Variants in GTF2F2 observed in about 807,000 individuals in gnomAD.
GTF2F2 encodes the protein general transcription factor IIF subunit 2, also known as ATP-dependent helicase GTF2F2.
In GTF2F2, 23 loss-of-function variants were observed where a neutral mutation model predicts 42.2. The ratio of observed to expected loss-of-function variants is 0.55; its 90% confidence interval spans 0.39 to 0.77. GTF2F2 has a LOEUF of 0.77. Among genes scored for constraint, GTF2F2 ranks in the 30% least tolerant of loss-of-function variants. The probability of loss-of-function intolerance (pLI) is 0.00; values close to 1 mark genes in which losing one functional copy is unlikely to be tolerated. For missense variants in GTF2F2, 261 were observed against 287.2 expected, an observed-to-expected ratio of 0.91 and a Z score of 0.66; for synonymous variants, 105 against 100.8, an observed-to-expected ratio of 1.04 and a Z score of -0.25.
At chr13:45,236,188 C>T (rs930606207) in intron 5 of GTF2F2, among the ~76,000 whole-genome samples, 14 of 152,186 alleles carry the variant, frequency 9.2e-5, no homozygotes, top group African/African-American at 3.4e-4. Context: ...CTATGGCCTG[C>T]AGTTCCCCTA....
chr13:45,237,971 T>G (rs1217526956), intron 5 of GTF2F2, among the ~76,000 whole-genome samples: 1 of 152,188 alleles, frequency 6.6e-6, no homozygotes, highest in Non-Finnish European at 1.5e-5. Flanking sequence ...TGTTTGTTTT[T>G]GAGATGAAGT....
At chr13:45,259,944 C>T (rs935746677) in intron 6 of GTF2F2, among the ~76,000 whole-genome samples, 1 of 151,922 alleles carries the variant, frequency 6.6e-6, no homozygotes, top group African/African-American at 2.4e-5. Flanking sequence ...AGAATTTCTG[C>T]CCCACAGTTT....
intron 5 of GTF2F2, among the ~76,000 whole-genome samples, chr13:45,241,239 T>C (rs1255462202): frequency 1.3e-5 from 2 of 151,230 alleles, no homozygotes; most frequent in African/African-American, 4.9e-5. Context: ...GATCTGATAA[T>C]AAACACTGTG....
chr13:45,178,996 G>C (rs112826457), intron 4 of GTF2F2, among the ~76,000 whole-genome samples: 2 of 152,168 alleles, frequency 1.3e-5, no homozygotes, highest in Non-Finnish European at 2.9e-5. Context: ...TAGTGCTCTC[G>C]TCATTTAGTA....
chr13:45,149,666 T>C, intron 2 of GTF2F2, 104 bp from the exon 3 acceptor site: 1 of 1,141,038 alleles, frequency 8.8e-7, no homozygotes, highest in Non-Finnish European at 1.2e-6. Context: ...TCTGTAAATG[T>C]AATATTTTAT....
rs1877344738 is a variant in GTF2F2, at chr13:45,283,429, G to T, written c.631-13G>T. On this transcript the variant is annotated splice_polypyrimidine_tract_variant and intron_variant, in intron 7 of 7. Coordinates refer to ENST00000340473, the MANE Select transcript of GTF2F2 (RefSeq NM_004128.3). ...TATAATCTCATTTGTTAGGGGTTTTGTTTTTGTTTTAGGTGTACCTGAAGG... is the reference window on the plus strand; with the variant it reads ...TATAATCTCATTTGTTAGGGGTTTTTTTTTTGTTTTAGGTGTACCTGAAGG... The T allele has an allele frequency of 6.2e-7, 1 of 1,600,744 alleles. No individual in the cohort carries two copies. Among genetic ancestry groups the T allele is most frequent in the Non-Finnish European group, 8.5e-7 (1 of 1,174,266 alleles).
intron 2 of GTF2F2, among the ~76,000 whole-genome samples, chr13:45,146,297 A>G (rs75831059): frequency 0.029 from 4,350 of 152,106 alleles, 187 homozygotes; most frequent in African/African-American, 0.093. Context: ...GGAGTTCGAA[A>G]CCAGCTGGGG....
At chr13:45,179,042 T>G (rs1200880316) in intron 4 of GTF2F2, among the ~76,000 whole-genome samples, 1 of 152,212 alleles carries the variant, frequency 6.6e-6, no homozygotes, top group Non-Finnish European at 1.5e-5. Flanking sequence ...GTGGCTGTTT[T>G]CCAAGAAAGC....
At position 45,191,224 on chromosome 13, in the gene GTF2F2, A is replaced by AAATATAT; in HGVS notation, c.305-16199_305-16198insATATATA. 1.2e-4 allele frequency among the ~76,000 whole-genome samples: 9 copies of AAATATAT among 75,312 alleles called. 1 individual carries two copies. Among genetic ancestry groups the AAATATAT allele is most frequent in the African/African-American group, 4.0e-4 (4 of 10,002 alleles). 49.4% of individuals were successfully genotyped at this position (75,312 alleles called of 152,430 possible). ...GTCTCTACTAAAAATACAAAAAAAAAATATATATATATATATATATATATA... is the reference window on the plus strand; with the variant it reads ...GTCTCTACTAAAAATACAAAAAAAAAAATATATATATATATATATATATATATATATA... On this transcript the variant is annotated intron_variant, in intron 4 of 7. Coordinates refer to ENST00000340473, the MANE Select transcript of GTF2F2 (RefSeq NM_004128.3).
intron 6 of GTF2F2, among the ~76,000 whole-genome samples, chr13:45,265,952 G>A (rs747893258): frequency 6.6e-6 from 1 of 152,152 alleles, no homozygotes; most frequent in Non-Finnish European, 1.5e-5. Context: ...GTTTCTGATG[G>A]TTTATACAAG....
chr13:45,234,350 CATAAA>C (rs1162805390), intron 5 of GTF2F2, among the ~76,000 whole-genome samples: 1 of 151,916 alleles, frequency 6.6e-6, no homozygotes, highest in Non-Finnish European at 1.5e-5. Flanking sequence ...TAGCAGTGCA[CATAAA>C]ATAATATACA....
chr13:45,203,512 C>A (rs1370178622), intron 4 of GTF2F2, among the ~76,000 whole-genome samples: 1 of 152,148 alleles, frequency 6.6e-6, no homozygotes, highest in African/African-American at 2.4e-5. Flanking sequence ...CCAGTTGTCT[C>A]ACCTGTACCT....
At position 45,202,524 on chromosome 13, in the gene GTF2F2, T is replaced by C. The variant is rs538393353; in HGVS notation, c.305-4900T>C. Among the ~76,000 whole-genome samples the C allele has an allele frequency of 2.0e-5, 3 of 152,326 alleles. No individual in the cohort carries two copies. In the South Asian group the frequency reaches 6.2e-4, roughly 32 times the overall value. ...TTTTATGACCTTTAACATATTCAACTTGACAGAAGAATCCTACAGCACATA... is the reference window on the plus strand; with the variant it reads ...TTTTATGACCTTTAACATATTCAACCTGACAGAAGAATCCTACAGCACATA... On this transcript the variant is annotated intron_variant, in intron 4 of 7. Coordinates refer to ENST00000340473, the MANE Select transcript of GTF2F2 (RefSeq NM_004128.3).
intron 2 of GTF2F2, among the ~76,000 whole-genome samples, chr13:45,148,826 C>A (rs940404806): frequency 6.6e-6 from 1 of 151,982 alleles, no homozygotes; most frequent in African/African-American, 2.4e-5. Context: ...AAACGTAATT[C>A]AAATACAGTA....
At chr13:45,130,024 G>A (rs1169353332) in intron 1 of GTF2F2, among the ~76,000 whole-genome samples, 1 of 152,212 alleles carries the variant, frequency 6.6e-6, no homozygotes, top group Non-Finnish European at 1.5e-5. Flanking sequence ...ATGTTCACAG[G>A]TCTGTGTGGT....
At chr13:45,136,460 A>G (rs1869623158) in intron 1 of GTF2F2, among the ~76,000 whole-genome samples, 1 of 152,126 alleles carries the variant, frequency 6.6e-6, no homozygotes, top group African/African-American at 2.4e-5. Flanking sequence ...GTGACCTTTA[A>G]TTGGACTTAT....
intron 5 of GTF2F2, among the ~76,000 whole-genome samples, chr13:45,214,557 A>C (rs944469538): frequency 5.3e-5 from 8 of 152,218 alleles, no homozygotes; most frequent in Non-Finnish European, 1.2e-4. Context: ...TTGAGAAGAA[A>C]AAAGTGTTCT....
chr13:45,173,525 T>G (rs571463155), intron 4 of GTF2F2, among the ~76,000 whole-genome samples: 1 of 151,774 alleles, frequency 6.6e-6, no homozygotes, highest in African/African-American at 2.4e-5. Context: ...ACCTTCCTCC[T>G]AACCACCCCC....
intron 5 of GTF2F2, among the ~76,000 whole-genome samples, chr13:45,243,687 G>A (rs1461993220): frequency 1.3e-5 from 2 of 152,090 alleles, no homozygotes; most frequent in East Asian, 3.9e-4. Context: ...TTGAGACGGA[G>A]TCTCGCTTTG....
Sources: allele counts gnomAD v4.1 joint callset (sites outside exome capture counted in the v4.1 genomes callset), GRCh38; gene constraint gnomAD v4.1.1; transcripts MANE v1.5; gene names NCBI Gene and HGNC (gene_info 2026-07-23, HGNC 2026-07-21).